KLC3: variants seen among roughly 807,000 people sequenced by gnomAD.
KLC3 encodes kinesin light chain 2.
A neutral mutation model predicts 62.9 loss-of-function variants in KLC3; 72 were observed. The ratio of observed to expected loss-of-function variants is 1.15; its 90% CI spans 0.95 to 1.39. KLC3 has a LOEUF of 1.39. KLC3 is among the 40% of genes most tolerant of loss of function. The pLI is 0.00. For missense variants in KLC3, 848 were observed against 691.6 expected, an observed-to-expected ratio of 1.23 and a Z score of -2.54; for synonymous variants, 377 against 300.5, an observed-to-expected ratio of 1.25 and a Z score of -2.63.
chr19:45,344,154 AGTGTGT>A (rs34947979), intron 1 of KLC3, among the ~76,000 whole-genome samples: 6 of 142,124 alleles, frequency 4.2e-5, no homozygotes, highest in South Asian at 2.3e-4. Flanking sequence ...CTAATGAGGG[AGTGTGT>A]GTGTGTGTGT....
chr19:45,348,226 G>A (rs1971556290), intron 5 of KLC3, 66 bp downstream of exon 5: 2 of 1,384,656 alleles, frequency 1.4e-6, no homozygotes, highest in Admixed American at 4.2e-5. Flanking sequence ...GCAAGTGGAA[G>A]GATCCTGGTG....
In KLC3 at chr19:45,347,352, A is replaced by C. The variant is rs538015956; in HGVS notation, c.490-95A>C. The C allele has an allele frequency of 2.5e-4, 234 of 931,904 alleles. No individual in the cohort carries two copies. The South Asian group carries it at 3.2e-3, about 13-fold the overall frequency. 57.7% of individuals were successfully genotyped at this position (931,904 alleles called of 1,614,324 possible). A position where few individuals can be genotyped will look rare whatever the true frequency, so the allele number is the denominator to read the frequency against. On this transcript the variant is annotated intron_variant, in intron 3 of 12. Transcript: ENST00000391946. ...CGAAACTCCGTCTCAAAAAAAAAAA[A>C]AAAACAAAAAAACAAAAACCTGAGA...
At chr19:45,348,345 G>A (rs1038346878) in intron 5 of KLC3, among the ~76,000 whole-genome samples, 185 bp downstream of exon 5, 1 of 152,070 alleles carries the variant, frequency 6.6e-6, no homozygotes, top group Non-Finnish European at 1.5e-5. Context: ...GAGTGGGACA[G>A]GGATCTGGGG....
chr19:45,342,773 A>T (rs907205879), intron 1 of KLC3, among the ~76,000 whole-genome samples: 4 of 152,134 alleles, frequency 2.6e-5, no homozygotes, highest in Admixed American at 2.6e-4. Flanking sequence ...TCTCAAAAAA[A>T]TAAAATTAAA....
Position 45,347,428 on chromosome 19 carries a change from C to T in KLC3, c.490-19C>T, listed in dbSNP as rs763427371. ...ACAAGCCCCCACCACCCCGGCCCCC[C>T]ACTTTCCTGTCTCTGCAGCAGTCTG... On this transcript the variant is annotated intron_variant, in intron 3 of 12. Coordinates refer to ENST00000391946, the MANE Select transcript of KLC3 (RefSeq NM_177417.3). 18 of 1,605,536 alleles carry T rather than the reference C, an allele frequency of 1.1e-5. No homozygotes were observed. The highest frequency in any genetic ancestry group is 2.7e-5 in the African/African-American group (2 of 74,398).
Position 45,340,752 on chromosome 19 carries a change from A to ACG in KLC3, c.-101_-100dup, listed in dbSNP as rs1281286927. The stretch of plus-strand genomic sequence containing the variant: ...TCGGAGGAGCCGCCCGAGGTCCCAG[A>ACG]CGCCCGGCGCAGCGGGAGCGGCGGG... On this transcript the variant is annotated 5_prime_UTR_variant, in exon 1 of 13. Transcript: ENST00000391946. 6.6e-6 allele frequency: 1 copy of ACG among 151,802 alleles called. No individual in the cohort carries two copies. Among genetic ancestry groups the ACG allele is most frequent in the African/African-American group, 2.4e-5 (1 of 41,338 alleles). The allele number at this position is 151,802 out of a possible 1,614,324, so 9.4% of individuals were successfully genotyped here. A position where few individuals can be genotyped will look rare whatever the true frequency, so the allele number is the denominator to read the frequency against.
At chr19:45,351,101 T>C (rs934127942) in intron 12 of KLC3, 84 bp downstream of exon 12, 15 of 1,609,616 alleles carry the variant, frequency 9.3e-6, no homozygotes, top group Non-Finnish European at 1.2e-5. Context: ...GTCGGGCCAG[T>C]GGTGGAGTCA....
chr19:45,345,203 C>A, intron 1 of KLC3: 1 of 499,532 alleles, frequency 2.0e-6, no homozygotes, highest in Non-Finnish European at 3.5e-6. Context: ...GCCAGGTGAG[C>A]TGAGGGCAGA....
Position 45,345,566 on chromosome 19 carries a change from G to A in KLC3, c.25G>A (p.Gly9Arg), listed in dbSNP as rs1396398901. Residue 9 changes from glycine (G) to arginine (R), a missense_variant, in exon 2 of 13, where the codon GGA (glycine) becomes AGA (arginine). By Grantham distance (125) the Gly-to-Arg change is moderately radical. Transcript: ENST00000391946. The part of the protein sequence containing the change: MSVQVAAP[G>R]SAGLGPERLS... ...AATGTCTGTGCAGGTAGCGGCTCCT[G>A]GAAGTGCAGGGCTGGGCCCAGAGCG... 1 of 1,565,894 alleles carries A rather than the reference G, an allele frequency of 6.4e-7. No homozygotes were observed. Among genetic ancestry groups the A allele is most frequent in the Non-Finnish European group, 8.7e-7 (1 of 1,155,982 alleles).
intron 11 of KLC3, 75 bp from the exon 12 acceptor site, chr19:45,350,879 T>C (rs1416857157): frequency 1.4e-6 from 2 of 1,395,052 alleles, no homozygotes; most frequent in East Asian, 3.2e-5. Flanking sequence ...GATCAAACCC[T>C]GTGCTGGAAA....
In KLC3 at chr19:45,348,312, C is replaced by T; in HGVS notation, c.779+152C>T. Reference sequence around the variant, plus strand: ...AGAATGGGAAAGGAAGGGAAGGCTCCTGCTGTGAGAACGGCAAAGAGGGAG... The same window carrying T: ...AGAATGGGAAAGGAAGGGAAGGCTCTTGCTGTGAGAACGGCAAAGAGGGAG... On this transcript the variant is annotated intron_variant, in intron 5 of 12. Transcript: ENST00000391946. 5.2e-6 allele frequency: 4 copies of T among 768,406 alleles called. No individual in the cohort carries two copies. The South Asian group carries it at 7.1e-5, about 14-fold the overall frequency. 47.6% of individuals were successfully genotyped at this position (768,406 alleles called of 1,614,324 possible).
chr19:45,347,806 C>A, intron 4 of KLC3, 135 bp from the exon 5 acceptor site: 1 of 756,024 alleles, frequency 1.3e-6, no homozygotes, highest in Non-Finnish European at 2.2e-6. Flanking sequence ...ACTCCTATCT[C>A]AGAAGTTAGC....
chr19:45,349,430 T>C lies in KLC3; in HGVS notation c.971T>C (p.Val324Ala), dbSNP rs764295731. ...TGACTTGTGACCCCTGGCCCCCAGG[T>C]CCTGGGTGCTGACCACCCAGATGTG... is the stretch of plus-strand genomic sequence containing the variant. ...CQRALEIREK[V>A]LGADHPDVAK... The change falls in exon 8 of 13, where the codon GTC becomes GCC. Residue 324 changes from valine to alanine, a missense_variant and splice_region_variant. Val to Ala is a moderately conservative substitution (Grantham distance 64). Coordinates refer to ENST00000391946, the MANE Select transcript of KLC3 (RefSeq NM_177417.3). 1.2e-6 allele frequency: 2 copies of C among 1,602,750 alleles called. No individual in the cohort carries two copies. Among genetic ancestry groups the C allele is most frequent in the South Asian group, 2.2e-5 (2 of 90,168 alleles).
chr19:45,347,385 A>C, intron 3 of KLC3, 62 bp from the exon 4 acceptor site: 516 of 1,025,980 alleles, frequency 5.0e-4, no homozygotes, highest in Non-Finnish European at 7.0e-4. Context: ...AGATAGAGCC[A>C]GGGCCCCGGT....
At chr19:45,341,171 C>T (rs1416731312) in intron 1 of KLC3, among the ~76,000 whole-genome samples, 2 of 145,096 alleles carry the variant, frequency 1.4e-5, no homozygotes, top group Non-Finnish European at 1.5e-5. Flanking sequence ...ATGGGAGTCT[C>T]CTGCCTGCCT....
At chr19:45,351,049 A>C (rs781539432) in intron 12 of KLC3, 32 bp downstream of exon 12, 19 of 1,613,810 alleles carry the variant, frequency 1.2e-5, no homozygotes, top group African/African-American at 8.0e-5. Context: ...AAAATAGAGG[A>C]GGCCATGTGG....
chr19:45,343,958 C>T (rs1971438441), intron 1 of KLC3, among the ~76,000 whole-genome samples: 1 of 152,110 alleles, frequency 6.6e-6, no homozygotes, highest in East Asian at 1.9e-4. Context: ...TCTACCTCAG[C>T]CTCCAGGTAC....
intron 3 of KLC3, 93 bp from the exon 4 acceptor site, chr19:45,347,354 A>AC (rs972992190): frequency 1.1e-6 from 1 of 948,158 alleles, no homozygotes; most frequent in Non-Finnish European, 1.6e-6. Flanking sequence ...AAAAAAAAAA[A>AC]AACAAAAAAA....
At chr19:45,341,802 T>TGTGTGTGTGTAG (rs139012889) in intron 1 of KLC3, among the ~76,000 whole-genome samples, 6 of 137,142 alleles carry the variant, frequency 4.4e-5, no homozygotes, top group African/African-American at 1.6e-4. Flanking sequence ...TGTGTGTGTG[T>TGTGTGTGTGTAG]AGAGAGGAAC....
Sources: gnomAD v4.1 joint callset for allele counts (sites outside exome capture counted in the v4.1 genomes callset) on GRCh38, gnomAD v4.1.1 for gene constraint, MANE v1.5 for transcripts, NCBI Gene and HGNC (gene_info 2026-07-23, HGNC 2026-07-21) for gene names.